Variants in RHOBTB1 observed in about 807,000 individuals in gnomAD.
RHOBTB1 encodes the protein Rho related BTB domain containing 1, also known as rho-related BTB domain-containing protein 1.
A neutral mutation model predicts 71.6 loss-of-function variants in RHOBTB1; 40 were observed. That is an observed-to-expected ratio of 0.56 (90% CI 0.43 to 0.73). The LOEUF (loss-of-function observed/expected upper bound fraction) is 0.73, where lower values mean the gene tolerates loss of function less well. RHOBTB1 is among the 30% of genes least tolerant of loss of function. RHOBTB1 has a pLI of 0.00. For missense variants in RHOBTB1, 797 were observed against 894.0 expected (o/e 0.89, Z 1.38); for synonymous variants, 319 against 334.9 (o/e 0.95, Z 0.52).
At chr10:60,883,290 A>C (rs1475452953) in intron 7 of RHOBTB1, among the ~76,000 whole-genome samples, 1 of 152,226 alleles carries the variant, frequency 6.6e-6, no homozygotes, top group African/African-American at 2.4e-5. Context: ...GGGTGTGCTA[A>C]ACAGGTGGCC....
chr10:60,917,345 C>G (rs2133598974), intron 2 of RHOBTB1, among the ~76,000 whole-genome samples: 1 of 152,222 alleles, frequency 6.6e-6, no homozygotes, highest in African/African-American at 2.4e-5. Context: ...GTCACAAAAG[C>G]TTTCCTAACT....
chr10:60,974,300 G>T (rs1462261034), intron 2 of RHOBTB1, among the ~76,000 whole-genome samples: 3 of 152,006 alleles, frequency 2.0e-5, no homozygotes, highest in African/African-American at 7.2e-5. Context: ...CTGGGTTCAT[G>T]ACTAATTACA....
Position 60,871,613 on chromosome 10 carries a change from C to T in RHOBTB1, c.1960G>A (p.Val654Met), listed in dbSNP as rs2080787098. 2 of 1,613,958 alleles carry T rather than the reference C, an allele frequency of 1.2e-6. No homozygotes were observed. Among genetic ancestry groups the T allele is most frequent in the African/African-American group, 1.3e-5 (1 of 74,900 alleles). Residue 654 changes from valine (V) to methionine (M), a missense_variant, in exon 11 of 11, where the codon GTG (valine) becomes ATG (methionine). By Grantham distance (21) the Val-to-Met change is conservative. This residue lies in a region of RHOBTB1 where 658 missense variants were observed against 681.5 expected (regional missense o/e 0.97). Coordinates refer to ENST00000337910, the MANE Select transcript of RHOBTB1 (RefSeq NM_014836.5). ...EYFERHRWPPVWYLKEEDHYQ... is the reference protein window; with the variant it reads ...EYFERHRWPPMWYLKEEDHYQ... ...TGATCTTCTTCCTTCAGGTACCACA[C>T]AGGGGGCCAGCGGTGCCGCTCGAAG...
intron 2 of RHOBTB1, among the ~76,000 whole-genome samples, chr10:60,932,464 C>T (rs932032457): frequency 3.6e-5 from 5 of 139,794 alleles, no homozygotes; most frequent in African/African-American, 8.1e-5. Context: ...TGTACATTTG[C>T]GATCTGCATA....
At chr10:60,974,900 G>A (rs995492503) in intron 2 of RHOBTB1, among the ~76,000 whole-genome samples, 3 of 151,908 alleles carry the variant, frequency 2.0e-5, no homozygotes, top group Non-Finnish European at 4.4e-5. Flanking sequence ...GCATGTATGG[G>A]GATGACTGTA....
chr10:60,894,236 A>G (rs1472012795), intron 4 of RHOBTB1, among the ~76,000 whole-genome samples: 2 of 152,200 alleles, frequency 1.3e-5, no homozygotes, highest in Non-Finnish European at 2.9e-5. Context: ...AATGTAATTC[A>G]CAAGCTGTGT....
At chr10:60,910,311 A>AT (rs984194906) in intron 4 of RHOBTB1, among the ~76,000 whole-genome samples, 20 of 151,938 alleles carry the variant, frequency 1.3e-4, no homozygotes, top group African/African-American at 4.8e-4. Flanking sequence ...CCATTACTAG[A>AT]TTTTTTTCTC....
At chr10:61,000,432 C>T (rs1244195787) in intron 1 of RHOBTB1, among the ~76,000 whole-genome samples, 1 of 152,006 alleles carries the variant, frequency 6.6e-6, no homozygotes, top group South Asian at 2.1e-4. Flanking sequence ...CAAGATGATG[C>T]GACAGGATTC....
chr10:60,936,690 G>A (rs1161121839), intron 2 of RHOBTB1, among the ~76,000 whole-genome samples: 1 of 152,228 alleles, frequency 6.6e-6, no homozygotes, highest in Non-Finnish European at 1.5e-5. Context: ...TGTTAGAAAT[G>A]CATAATCTCA....
chr10:60,933,326 G>A (rs181388653), intron 2 of RHOBTB1, among the ~76,000 whole-genome samples: 3 of 152,330 alleles, frequency 2.0e-5, no homozygotes, highest in African/African-American at 4.8e-5. Context: ...AGTGCGACTA[G>A]AAATTTTAAG....
chr10:60,861,029 C>CAAGGCAGGAGG, the RHOBTB1 span, among the ~76,000 whole-genome samples: 1 of 152,078 alleles, frequency 6.6e-6, no homozygotes, highest in Non-Finnish European at 1.5e-5. Flanking sequence ...AAGCCTTTGG[C>CAAGGCAGGAGG]AAGGCAGGAG....
intron 1 of RHOBTB1, among the ~76,000 whole-genome samples, chr10:60,991,729 C>T (rs377537856): frequency 6.6e-6 from 1 of 152,174 alleles, no homozygotes; most frequent in Non-Finnish European, 1.5e-5. Flanking sequence ...CCGCACCCGA[C>T]CTTCCCTCAG....
chr10:60,956,086 A>T (rs2085581959), intron 2 of RHOBTB1, among the ~76,000 whole-genome samples: 4 of 152,188 alleles, frequency 2.6e-5, no homozygotes, highest in Admixed American at 2.6e-4. Flanking sequence ...CAGTGTGCTT[A>T]CACAAACCTA....
At chr10:60,915,421 T>C (rs1214174574) in intron 2 of RHOBTB1, among the ~76,000 whole-genome samples, 4 of 151,660 alleles carry the variant, frequency 2.6e-5, no homozygotes, top group African/African-American at 9.7e-5. Context: ...GATACATACC[T>C]GAGGAGACAA....
At chr10:60,990,503 TTA>T (rs1487189970) in intron 1 of RHOBTB1, among the ~76,000 whole-genome samples, 2 of 31,966 alleles carry the variant, frequency 6.3e-5, no homozygotes, top group Admixed American at 3.2e-4. Flanking sequence ...CAATTTCTCT[TTA>T]TTTTAATTCA....
chr10:60,906,993 C>G (rs998507031), intron 4 of RHOBTB1, among the ~76,000 whole-genome samples: 1 of 152,198 alleles, frequency 6.6e-6, no homozygotes, highest in African/African-American at 2.4e-5. Context: ...TCATGCTATT[C>G]TCATGACAGT....
intron 2 of RHOBTB1, among the ~76,000 whole-genome samples, chr10:60,953,801 A>G (rs2085493001): frequency 6.6e-6 from 1 of 152,178 alleles, no homozygotes; most frequent in South Asian, 2.1e-4. Flanking sequence ...ATCCTGAACA[A>G]TAGTTTATAA....
At chr10:60,876,170 A>G (rs1168242163) in intron 8 of RHOBTB1, among the ~76,000 whole-genome samples, 3 of 152,180 alleles carry the variant, frequency 2.0e-5, no homozygotes, top group Admixed American at 2.0e-4. Context: ...ATTTCCTGAC[A>G]TTTATTTAAC....
intron 5 of RHOBTB1, among the ~76,000 whole-genome samples, chr10:60,891,970 C>A (rs1459437506): frequency 1.3e-5 from 2 of 152,144 alleles, no homozygotes; most frequent in African/African-American, 4.8e-5. Flanking sequence ...AGGGCATCCG[C>A]CTTTGCTCGG....
Sources: gnomAD v4.1 joint callset for allele counts (sites outside exome capture counted in the v4.1 genomes callset) on GRCh38, gnomAD v4.1.1 for gene constraint, gnomAD v4.1.1 regional missense constraint, MANE v1.5 for transcripts, NCBI Gene and HGNC (gene_info 2026-07-23, HGNC 2026-07-21) for gene names.